The following CLSTN2 variants were observed in gnomAD, a reference collection of about 807,000 sequenced individuals.
CLSTN2 encodes the protein calsyntenin-2.
A neutral mutation model predicts 101.2 loss-of-function variants in CLSTN2; 48 were observed. The ratio of observed to expected loss-of-function variants is 0.47; its 90% CI spans 0.38 to 0.60. The LOEUF is 0.60. CLSTN2 is among the 20% of genes least tolerant of loss of function. The pLI, the probability that CLSTN2 is intolerant of heterozygous loss-of-function variation, is 0.00. For synonymous variants in CLSTN2, 481 were observed against 463.6 expected, an observed-to-expected ratio of 1.04 and a Z score of -0.48; for missense variants, 1,160 against 1,238.2, an observed-to-expected ratio of 0.94 and a Z score of 0.95.
At chr3:140,488,879 A>C (rs927912848) in intron 8 of CLSTN2, among the ~76,000 whole-genome samples, 1 of 152,078 alleles carries the variant, frequency 6.6e-6, no homozygotes, top group African/African-American at 2.4e-5. Context: ...CTGATTGGCT[A>C]TGTGCAGGAA....
intron 1 of CLSTN2, among the ~76,000 whole-genome samples, chr3:139,988,045 C>T (rs970894826): frequency 6.6e-6 from 1 of 152,182 alleles, no homozygotes; most frequent in Non-Finnish European, 1.5e-5. Context: ...AGATATCTTC[C>T]AGCTTTTAGC....
chr3:140,220,507 A>T (rs1374781095), intron 2 of CLSTN2, among the ~76,000 whole-genome samples: 1 of 152,210 alleles, frequency 6.6e-6, no homozygotes, highest in African/African-American at 2.4e-5. Context: ...AGAACCAGGC[A>T]TCCTTGCCTG....
chr3:140,459,646 C>T lies in CLSTN2; in HGVS notation c.1099C>T (p.Pro367Ser). The T allele has an allele frequency of 6.2e-7, 1 of 1,614,108 alleles. No homozygotes were observed. Among genetic ancestry groups the T allele is most frequent in the Non-Finnish European group, 8.5e-7 (1 of 1,180,002 alleles). The change falls in exon 7 of 17, where the codon CCC becomes TCC. Residue 367 changes from proline (P) to serine (S), a missense_variant. By Grantham distance (74) the Pro-to-Ser change is moderately conservative. Transcript: ENST00000458420. The stretch of plus-strand genomic sequence containing the variant: ...TGACGGCAGGCAGGGTGCCAAAGTC[C>T]CCGATGGGATTGTGCCCAAGAACCT... ...KFDGRQGAKV[P>S]DGIVPKNLTD...
At chr3:140,396,819 G>A (rs2088187655) in intron 2 of CLSTN2, among the ~76,000 whole-genome samples, 1 of 152,226 alleles carries the variant, frequency 6.6e-6, no homozygotes, top group Admixed American at 6.5e-5. Context: ...TCTGCAAGGT[G>A]ATGGGTCATG....
At chr3:140,297,257 C>G (rs2087013345) in intron 2 of CLSTN2, among the ~76,000 whole-genome samples, 1 of 152,234 alleles carries the variant, frequency 6.6e-6, no homozygotes, top group Admixed American at 6.5e-5. Flanking sequence ...CAATTTTGCA[C>G]AGATATCACA....
chr3:140,320,031 T>C (rs111412567), intron 2 of CLSTN2, among the ~76,000 whole-genome samples: 11,505 of 152,308 alleles, frequency 0.076, 1,022 homozygotes, highest in African/African-American at 0.22. Context: ...GAGAGGCATT[T>C]GCATCTGAAG....
chr3:140,246,912 G>T (rs372997776), intron 2 of CLSTN2, among the ~76,000 whole-genome samples: 3 of 152,066 alleles, frequency 2.0e-5, no homozygotes, highest in African/African-American at 7.2e-5. Flanking sequence ...GAATCCTAGG[G>T]TTATTAAAAT....
intron 1 of CLSTN2, among the ~76,000 whole-genome samples, chr3:140,158,453 A>T (rs910066272): frequency 6.6e-6 from 1 of 152,182 alleles, no homozygotes; most frequent in Non-Finnish European, 1.5e-5. Flanking sequence ...TACACTAGCT[A>T]TGAAAAAATT....
chr3:140,196,648 C>T (rs1485517293), intron 2 of CLSTN2, among the ~76,000 whole-genome samples: 1 of 152,176 alleles, frequency 6.6e-6, no homozygotes, highest in African/African-American at 2.4e-5. Flanking sequence ...CCAGCATAAA[C>T]ATCCACAGTG....
chr3:140,059,621 T>G lies in CLSTN2; in HGVS notation c.110-116330T>G, dbSNP rs559174857. 1.8e-3 allele frequency among the ~76,000 whole-genome samples: 267 copies of G among 152,136 alleles called. 2 individuals carry two copies. Among genetic ancestry groups the G allele is most frequent in the Admixed American group, 3.4e-3 (52 of 15,286 alleles). On this transcript the variant is annotated intron_variant, in intron 1 of 16. Coordinates refer to ENST00000458420, the MANE Select transcript of CLSTN2 (RefSeq NM_022131.3). ...GTGGCCCCCTCTGAGGATGGCAGGGTGGATATAATTATCCTTACTTTTCAG... is the reference window on the plus strand; with the variant it reads ...GTGGCCCCCTCTGAGGATGGCAGGGGGGATATAATTATCCTTACTTTTCAG...
At chr3:140,165,488 G>A (rs184980445) in intron 1 of CLSTN2, among the ~76,000 whole-genome samples, 6 of 152,310 alleles carry the variant, frequency 3.9e-5, no homozygotes, top group East Asian at 1.9e-4. Flanking sequence ...ATCCAATGGC[G>A]ACACAGTAGA....
chr3:140,481,883 G>C (rs1934124626), intron 8 of CLSTN2, among the ~76,000 whole-genome samples: 1 of 152,202 alleles, frequency 6.6e-6, no homozygotes, highest in East Asian at 1.9e-4. Context: ...AAACAATCAT[G>C]TCGTCTGCAA....
intron 8 of CLSTN2, among the ~76,000 whole-genome samples, chr3:140,499,282 G>C (rs1161343468): frequency 1.3e-5 from 2 of 152,066 alleles, no homozygotes; most frequent in African/African-American, 4.8e-5. Flanking sequence ...TGGTCTCAAG[G>C]TTTGCCTTTT....
chr3:140,127,539 T>TGA (rs1346637955), intron 1 of CLSTN2, among the ~76,000 whole-genome samples: 1 of 152,126 alleles, frequency 6.6e-6, no homozygotes, highest in African/African-American at 2.4e-5. Flanking sequence ...TGACTGGAGT[T>TGA]CTGATAGCTG....
At chr3:140,176,488 A>C (rs2107829121) in intron 2 of CLSTN2, among the ~76,000 whole-genome samples, 1 of 152,316 alleles carries the variant, frequency 6.6e-6, no homozygotes, top group Admixed American at 6.5e-5. Flanking sequence ...GAGAGAGAAA[A>C]AAAGACCAGG....
chr3:140,260,135 AATATAT>A (rs35851668), intron 2 of CLSTN2, among the ~76,000 whole-genome samples: 171 of 141,128 alleles, frequency 1.2e-3, no homozygotes, highest in African/African-American at 1.8e-3. Context: ...GTGAAAAAGA[AATATAT>A]ATATATATAT....
At chr3:140,448,764 A>C in intron 6 of CLSTN2, 60 bp downstream of exon 6, 1 of 1,408,776 alleles carries the variant, frequency 7.1e-7, no homozygotes, top group Non-Finnish European at 1.0e-6. Context: ...GTATACCAAA[A>C]AAGCATATCT....
intron 1 of CLSTN2, among the ~76,000 whole-genome samples, chr3:139,953,931 T>TGTGTGTGTGTGTGTGTGTG (rs1576374977): frequency 6.1e-5 from 9 of 147,390 alleles, no homozygotes; most frequent in African/African-American, 2.3e-4. Context: ...GTGTGTGTGT[T>TGTGTGTGTGTGTGTGTGTG]TGTGTGTGTG....
At chr3:140,523,619 T>A (rs147431235) in intron 8 of CLSTN2, among the ~76,000 whole-genome samples, 1 of 152,192 alleles carries the variant, frequency 6.6e-6, no homozygotes, top group South Asian at 2.1e-4. Context: ...AACCTATGCA[T>A]AGATACTATT....
Sources: allele counts gnomAD v4.1 joint callset (sites outside exome capture counted in the v4.1 genomes callset), GRCh38; gene constraint gnomAD v4.1.1; transcripts MANE v1.5; gene names NCBI Gene and HGNC (gene_info 2026-07-23, HGNC 2026-07-21).